The following DPP10 variants were observed in gnomAD, a reference collection of about 807,000 sequenced individuals.
DPP10 encodes dipeptidyl peptidase like 10, also known as inactive dipeptidyl peptidase 10.
Under a neutral mutation model 120.9 loss-of-function variants are expected in DPP10, and 33 were observed. The ratio of observed to expected loss-of-function variants is 0.27; its 90% CI spans 0.21 to 0.37. DPP10 has a LOEUF of 0.37. Among genes scored for constraint, DPP10 ranks in the 10% least tolerant of loss-of-function variants. DPP10 has a pLI of 1.00. For missense variants in DPP10, 816 were observed against 942.8 expected (o/e 0.87, Z 1.76); for synonymous variants, 337 against 326.1 (o/e 1.03, Z -0.36).
intron 1 of DPP10, among the ~76,000 whole-genome samples, chr2:114,543,551 C>G (rs552629310): frequency 2.6e-5 from 4 of 152,068 alleles, no homozygotes; most frequent in African/African-American, 4.8e-5. Context: ...ACTTTTTTTG[C>G]TGTCTTTGGA....
chr2:114,547,553 T>C (rs999510241), intron 1 of DPP10, among the ~76,000 whole-genome samples: 2 of 152,162 alleles, frequency 1.3e-5, no homozygotes, highest in African/African-American at 2.4e-5. Context: ...TCTAGGAATG[T>C]TCCTTAGCCA....
Position 115,459,136 on chromosome 2 carries a change from G to A in DPP10, c.272-40374G>A, listed in dbSNP as rs150528496. Among the ~76,000 whole-genome samples the A allele has an allele frequency of 3.7e-3, 569 of 151,898 alleles. 4 individuals carry two copies. The highest frequency in any genetic ancestry group is 2.8e-3 in the Non-Finnish European group (187 of 67,940). ...TAACAGTTGTCAAAATTTGGGGTAA[G>A]TCAGTTTTCATCTTGTGAGTTTGAT... On this transcript the variant is annotated intron_variant, in intron 3 of 25. Coordinates refer to ENST00000410059, the MANE Select transcript of DPP10 (RefSeq NM_020868.6).
chr2:114,926,072 A>G (rs947849214), intron 1 of DPP10, among the ~76,000 whole-genome samples: 2 of 152,208 alleles, frequency 1.3e-5, no homozygotes, highest in Non-Finnish European at 2.9e-5. Flanking sequence ...AGAGATATAC[A>G]CAGACTGGAG....
rs1008315762 is a variant in DPP10 at position 114,463,294 on chromosome 2, A to T, written c.60+20456A>T. 3 of 152,318 alleles carry T rather than the reference A, an allele frequency of 2.0e-5. No homozygotes were observed. In the South Asian group the frequency reaches 6.2e-4, roughly 32 times the overall value. 9.4% of individuals were successfully genotyped at this position (152,318 alleles called of 1,614,324 possible). On this transcript the variant is annotated intron_variant, in intron 1 of 25. Transcript: ENST00000410059. ...ACTCTAGTACTGTACCACATGGATC[A>T]TTCTAGTCTTCCTCCTTTGCTTGTC...
At chr2:114,619,974 A>G (rs964068464) in intron 1 of DPP10, among the ~76,000 whole-genome samples, 1 of 152,010 alleles carries the variant, frequency 6.6e-6, no homozygotes, top group African/African-American at 2.4e-5. Context: ...TAAAAGCCTC[A>G]TAACAAACTG....
At chr2:115,299,179 G>A (rs1055994492) in intron 1 of DPP10, among the ~76,000 whole-genome samples, 6 of 151,946 alleles carry the variant, frequency 3.9e-5, no homozygotes, top group African/African-American at 1.2e-4. Flanking sequence ...TCTTGTCCGT[G>A]TATTCTGTTC....
At chr2:115,199,553 G>A (rs6740109) in intron 1 of DPP10, among the ~76,000 whole-genome samples, 8,287 of 152,048 alleles carry the variant, frequency 0.055, 296 homozygotes, top group Middle Eastern at 0.1. Flanking sequence ...TGGGAGGCCC[G>A]TTTTGACCGC....
intron 3 of DPP10, among the ~76,000 whole-genome samples, chr2:115,400,309 A>C (rs1231548579): frequency 1.3e-5 from 2 of 152,144 alleles, no homozygotes; most frequent in Non-Finnish European, 2.9e-5. Flanking sequence ...CTAGCAAGTA[A>C]ATGTATTTCA....
intron 1 of DPP10, among the ~76,000 whole-genome samples, chr2:115,269,934 CT>C: frequency 6.6e-6 from 1 of 152,214 alleles, no homozygotes; most frequent in South Asian, 2.1e-4. Context: ...TGGCTATAAA[CT>C]TTAGCCCTGC....
chr2:114,947,596 T>G (rs1404168542), intron 1 of DPP10, among the ~76,000 whole-genome samples: 1 of 152,050 alleles, frequency 6.6e-6, no homozygotes. Context: ...TTGTTTTGGT[T>G]AACATTACAA....
intron 1 of DPP10, among the ~76,000 whole-genome samples, chr2:114,722,612 T>C (rs532107077): frequency 7.3e-5 from 11 of 151,684 alleles, no homozygotes; most frequent in Admixed American, 7.2e-4. Flanking sequence ...CCGTCTCTAC[T>C]AAAAATACAA....
intron 5 of DPP10, among the ~76,000 whole-genome samples, chr2:115,609,212 G>A (rs1225597727): frequency 6.6e-6 from 1 of 152,072 alleles, no homozygotes. Flanking sequence ...AAAATACTGA[G>A]GCAAAATAAT....
At chr2:114,850,853 T>C (rs553440832) in intron 1 of DPP10, among the ~76,000 whole-genome samples, 1 of 152,322 alleles carries the variant, frequency 6.6e-6, no homozygotes, top group East Asian at 1.9e-4. Flanking sequence ...TATTATTTTT[T>C]TTTTCCTGCA....
At chr2:114,607,710 C>A (rs1561071) in intron 1 of DPP10, among the ~76,000 whole-genome samples, 16,374 of 152,094 alleles carry the variant, frequency 0.11, 1,194 homozygotes, top group African/African-American at 0.2. Flanking sequence ...GAGGGAAACA[C>A]CTTTTCTTCT....
At chr2:115,588,223 G>C (rs974925974) in intron 5 of DPP10, among the ~76,000 whole-genome samples, 1 of 151,976 alleles carries the variant, frequency 6.6e-6, no homozygotes, top group Non-Finnish European at 1.5e-5. Context: ...ATATTTACAG[G>C]CTTTTTAAAA....
At chr2:115,253,386 C>A (rs535144204) in intron 1 of DPP10, among the ~76,000 whole-genome samples, 1 of 152,142 alleles carries the variant, frequency 6.6e-6, no homozygotes, top group South Asian at 2.1e-4. Flanking sequence ...TTACAAAATA[C>A]AAAAATCTTG....
chr2:115,697,635 T>TCTCAATAATG (rs1483384866), intron 7 of DPP10, among the ~76,000 whole-genome samples: 3 of 151,928 alleles, frequency 2.0e-5, no homozygotes, highest in African/African-American at 7.2e-5. Flanking sequence ...AACACCATAC[T>TCTCAATAATG]CTCAATAATG....
chr2:115,275,295 C>CT (rs1245128552), intron 1 of DPP10, among the ~76,000 whole-genome samples: 7 of 152,196 alleles, frequency 4.6e-5, no homozygotes, highest in South Asian at 4.1e-4. Context: ...CTCTCTATCT[C>CT]TTTATCTCTC....
chr2:114,564,960 A>G (rs1159993059), intron 1 of DPP10, among the ~76,000 whole-genome samples: 2 of 152,236 alleles, frequency 1.3e-5, no homozygotes, highest in Non-Finnish European at 2.9e-5. Context: ...TTTAATTTCA[A>G]TCACTTAGAG....
Sources: allele counts gnomAD v4.1 joint callset (sites outside exome capture counted in the v4.1 genomes callset), GRCh38; gene constraint gnomAD v4.1.1; transcripts MANE v1.5; gene names NCBI Gene and HGNC (gene_info 2026-07-23, HGNC 2026-07-21).